APBA1: variants seen among roughly 807,000 people sequenced by gnomAD.
APBA1 encodes the protein amyloid-beta A4 precursor protein-binding family A member 1.
APBA1 carries 55 observed loss-of-function variants against 86.6 expected under a neutral mutation model. That is an observed-to-expected ratio of 0.64 (90% CI 0.51 to 0.80). The LOEUF (loss-of-function observed/expected upper bound fraction) is 0.80, where lower values mean the gene tolerates loss of function less well. Among genes scored for constraint, APBA1 ranks in the 30% least tolerant of loss-of-function variants. The probability of loss-of-function intolerance (pLI) is 0.00; values close to 1 mark genes in which losing one functional copy is unlikely to be tolerated. For synonymous variants in APBA1, 511 were observed against 493.9 expected, an observed-to-expected ratio of 1.03 and a Z score of -0.46; for missense variants, 1,090 against 1,183.0, an observed-to-expected ratio of 0.92 and a Z score of 1.15.
At chr9:69,620,447 G>C (rs113552965) in intron 1 of APBA1, among the ~76,000 whole-genome samples, 7,408 of 152,152 alleles carry the variant, frequency 0.049, 250 homozygotes, top group Non-Finnish European at 0.073. Context: ...TTGGGAGGCC[G>C]AGGCAGGCAG....
At chr9:69,464,424 C>G (rs767232871) in intron 5 of APBA1, 12 of 152,196 alleles carry the variant, frequency 7.9e-5, no homozygotes, top group Admixed American at 1.3e-4. Context: ...ATTCCTCACG[C>G]CAGAGTAATT....
intron 2 of APBA1, among the ~76,000 whole-genome samples, chr9:69,503,605 C>A (rs944740164): frequency 1.3e-5 from 2 of 152,112 alleles, no homozygotes; most frequent in Non-Finnish European, 2.9e-5. Context: ...GCCAATATAA[C>A]AACTGCTTTT....
intron 1 of APBA1, among the ~76,000 whole-genome samples, chr9:69,668,854 C>T (rs564300976): frequency 6.6e-6 from 1 of 152,266 alleles, no homozygotes; most frequent in East Asian, 1.9e-4. Flanking sequence ...CCAAATGCCA[C>T]CTTAATCACA....
chr9:69,662,318 GAAGT>G (rs1242694164), intron 1 of APBA1, among the ~76,000 whole-genome samples: 1 of 152,188 alleles, frequency 6.6e-6, no homozygotes, highest in East Asian at 1.9e-4. Context: ...GTCATTATGA[GAAGT>G]AAATGAGTTA....
chr9:69,458,288 G>T, intron 5 of APBA1, 100 bp from the exon 6 acceptor site: 1 of 1,042,780 alleles, frequency 9.6e-7, no homozygotes, highest in Non-Finnish European at 1.4e-6. Context: ...CTGAATAGTG[G>T]CATAAAGCGT....
chr9:69,458,561 C>A (rs1835138104), intron 5 of APBA1, among the ~76,000 whole-genome samples: 1 of 152,170 alleles, frequency 6.6e-6, no homozygotes, highest in Admixed American at 6.5e-5. Flanking sequence ...AATTTGCTGA[C>A]TTCTCAGCTT....
At chr9:69,471,791 C>A in intron 3 of APBA1, 96 bp from the exon 4 acceptor site, 2 of 944,104 alleles carry the variant, frequency 2.1e-6, no homozygotes, top group Non-Finnish European at 3.3e-6. Context: ...AATACATAAT[C>A]AGTGGCAGTT....
At chr9:69,522,698 C>T (rs1836273213) in intron 1 of APBA1, among the ~76,000 whole-genome samples, 1 of 152,184 alleles carries the variant, frequency 6.6e-6, no homozygotes, top group African/African-American at 2.4e-5. Context: ...CACCTTGTGA[C>T]TCATATTAAG....
rs143924269 is a variant in APBA1 at position 69,441,080 on chromosome 9, G to A, written c.2217C>T (p.Ile739=). Residue 739 remains isoleucine (I), a synonymous_variant, in exon 11 of 13, where the codon ATC becomes ATT. Coordinates refer to ENST00000265381, the MANE Select transcript of APBA1 (RefSeq NM_001163.4). Reference sequence around the variant, plus strand: ...CGGTGGTCACCGGAGGACATCTCACGATATTCAGCTTGACTCGGGACTGAT... The same window carrying A: ...CGGTGGTCACCGGAGGACATCTCACAATATTCAGCTTGACTCGGGACTGAT... ...LKNQSRVKLN[I]VRCPPVTTVL... 1.1e-4 allele frequency: 170 copies of A among 1,614,086 alleles called. No homozygotes were observed. The East Asian group carries it at 1.5e-3, about 14-fold the overall frequency.
At chr9:69,658,024 G>A (rs1823646625) in intron 1 of APBA1, among the ~76,000 whole-genome samples, 1 of 152,198 alleles carries the variant, frequency 6.6e-6, no homozygotes, top group Non-Finnish European at 1.5e-5. Context: ...CTGGAAACAG[G>A]AGGTTCACTG....
chr9:69,540,870 G>T (rs1192688094), intron 1 of APBA1, among the ~76,000 whole-genome samples: 2 of 152,168 alleles, frequency 1.3e-5, no homozygotes, highest in Non-Finnish European at 2.9e-5. Context: ...TTCCCAAAGT[G>T]TTGGGATTAC....
At chr9:69,462,961 T>C (rs1000037226) in intron 5 of APBA1, 1 of 152,194 alleles carries the variant, frequency 6.6e-6, no homozygotes, top group Non-Finnish European at 1.5e-5. Flanking sequence ...GGATCATGCT[T>C]TGAGAACCAG....
chr9:69,562,791 C>T (rs909263031), intron 1 of APBA1, among the ~76,000 whole-genome samples: 1 of 151,842 alleles, frequency 6.6e-6, no homozygotes, highest in Non-Finnish European at 1.5e-5. Flanking sequence ...AAAGATCTGC[C>T]CAAATAGAAA....
chr9:69,600,893 C>T (rs1310450156), intron 1 of APBA1, among the ~76,000 whole-genome samples: 3 of 150,772 alleles, frequency 2.0e-5, no homozygotes, highest in Non-Finnish European at 3.0e-5. Context: ...ACTCATCCTC[C>T]ACCTGGGAGG....
chr9:69,632,121 A>T (rs1823059672), intron 1 of APBA1, among the ~76,000 whole-genome samples: 1 of 152,224 alleles, frequency 6.6e-6, no homozygotes, highest in South Asian at 2.1e-4. Flanking sequence ...TGAATAACAC[A>T]GGAAAGAAAA....
At chr9:69,558,659 A>G (rs7850006) in intron 1 of APBA1, among the ~76,000 whole-genome samples, 81,201 of 151,060 alleles carry the variant, frequency 0.54, 23,251 homozygotes, top group East Asian at 0.83. Context: ...TTCATGTCAC[A>G]GGGGCTCGTT....
intron 2 of APBA1, among the ~76,000 whole-genome samples, chr9:69,484,262 TAAG>T (rs1338506649): frequency 1.3e-5 from 2 of 152,020 alleles, no homozygotes; most frequent in Non-Finnish European, 1.5e-5. Context: ...TAGGATGATG[TAAG>T]AAGACAGGTT....
At chr9:69,465,955 C>T (rs1244084885) in intron 5 of APBA1, among the ~76,000 whole-genome samples, 1 of 152,218 alleles carries the variant, frequency 6.6e-6, no homozygotes, top group Non-Finnish European at 1.5e-5. Context: ...AAGGTCCTGT[C>T]AGTAATCCTG....
At chr9:69,473,651 T>G (rs1010164474) in intron 3 of APBA1, among the ~76,000 whole-genome samples, 8 of 152,050 alleles carry the variant, frequency 5.3e-5, no homozygotes, top group African/African-American at 1.9e-4. Flanking sequence ...CTAACCTGCA[T>G]GTTGTGCACA....
Sources: allele counts gnomAD v4.1 joint callset (sites outside exome capture counted in the v4.1 genomes callset), GRCh38; gene constraint gnomAD v4.1.1; transcripts MANE v1.5; gene names NCBI Gene and HGNC (gene_info 2026-07-23, HGNC 2026-07-21).